GAP43: variants seen among roughly 807,000 people sequenced by gnomAD.
The protein encoded by GAP43 is growth associated protein 43, also known as neuromodulin.
A neutral mutation model predicts 18.6 loss-of-function variants in GAP43; 6 were observed. That is an observed-to-expected ratio of 0.32 (90% CI 0.18 to 0.64). The LOEUF (loss-of-function observed/expected upper bound fraction) is 0.64, where lower values mean the gene tolerates loss of function less well. Among genes scored for constraint, GAP43 ranks in the 30% least tolerant of loss-of-function variants. The pLI, the probability that GAP43 is intolerant of heterozygous loss-of-function variation, is 0.78. For synonymous variants in GAP43, 115 were observed against 111.4 expected (o/e 1.03, Z -0.20); for missense variants, 292 against 295.5 (o/e 0.99, Z 0.09).
intron 1 of GAP43, among the ~76,000 whole-genome samples, chr3:115,654,919 G>A (rs1485305769): frequency 6.6e-6 from 1 of 152,094 alleles, no homozygotes; most frequent in African/African-American, 2.4e-5. Flanking sequence ...TAAAGAATAT[G>A]GAAATTCACG....
At position 115,630,911 on chromosome 3, in the gene GAP43, CAATA is replaced by C. The variant is rs28370254; in HGVS notation, c.30+7197_30+7200del. On this transcript the variant is annotated intron_variant, in intron 1 of 2. Coordinates refer to ENST00000305124, the MANE Select transcript of GAP43 (RefSeq NM_002045.4). ...CTATGTCTGGCACATCTTAGATTCT[CAATA>C]AATATTTGTTGAAGTAATAAATGTA... Among the ~76,000 whole-genome samples the C allele has an allele frequency of 3.7e-3, 567 of 152,228 alleles. 4 individuals are homozygous for C. The highest frequency in any genetic ancestry group is 0.013 in the African/African-American group (549 of 41,538).
At chr3:115,656,278 A>C (rs1362036904) in intron 1 of GAP43, among the ~76,000 whole-genome samples, 3 of 152,190 alleles carry the variant, frequency 2.0e-5, no homozygotes, top group Non-Finnish European at 4.4e-5. Context: ...ACTTGACTTG[A>C]AAGTAAAGAG....
At chr3:115,632,001 G>T (rs1708265938) in intron 1 of GAP43, among the ~76,000 whole-genome samples, 1 of 152,124 alleles carries the variant, frequency 6.6e-6, no homozygotes, top group South Asian at 2.1e-4. Flanking sequence ...ACAGAATTTA[G>T]ATAAGCCAAT....
intron 2 of GAP43, among the ~76,000 whole-genome samples, chr3:115,684,447 C>T (rs953314097): frequency 2.0e-5 from 3 of 152,116 alleles, no homozygotes; most frequent in Non-Finnish European, 4.4e-5. Context: ...AGCACTGTAT[C>T]CATGCCTGTA....
Position 115,623,683 on chromosome 3 carries a change from G to C in GAP43, c.-7G>C, listed in dbSNP as rs753348697. On this transcript the variant is annotated 5_prime_UTR_variant, in exon 1 of 3. Coordinates refer to ENST00000305124, the MANE Select transcript of GAP43 (RefSeq NM_002045.4). ...AAGGCAGGAAGAAGGCAAGGGACGA[G>C]ACAACCATGCTGTGCTGTATGAGAA... 6 of 1,614,064 alleles carry C rather than the reference G, an allele frequency of 3.7e-6. No homozygotes were observed. The Admixed American group carries it at 1.0e-4, about 27-fold the overall frequency.
chr3:115,697,986 T>TGC (rs760181483), intron 2 of GAP43, among the ~76,000 whole-genome samples: 1 of 5,042 alleles, frequency 2.0e-4, no homozygotes, highest in Non-Finnish European at 3.7e-4. Context: ...TACATGTGCG[T>TGC]GTGTGTGTGT....
chr3:115,686,745 A>G (rs1709038343), intron 2 of GAP43, among the ~76,000 whole-genome samples: 1 of 152,204 alleles, frequency 6.6e-6, no homozygotes, highest in African/African-American at 2.4e-5. Flanking sequence ...AAATTTAAAA[A>G]TAGACATGTT....
intron 2 of GAP43, among the ~76,000 whole-genome samples, chr3:115,715,012 A>G (rs1317379732): frequency 6.6e-6 from 1 of 152,130 alleles, no homozygotes; most frequent in Non-Finnish European, 1.5e-5. Context: ...GTGTCCTCAC[A>G]TGGTAGAAGA....
At chr3:115,659,647 G>C (rs990739513) in intron 1 of GAP43, among the ~76,000 whole-genome samples, 2 of 152,108 alleles carry the variant, frequency 1.3e-5, no homozygotes, top group Non-Finnish European at 2.9e-5. Flanking sequence ...AGAGGGGCAA[G>C]GTGTCAGGCA....
At chr3:115,707,424 G>C (rs1191898347) in intron 2 of GAP43, among the ~76,000 whole-genome samples, 1 of 151,912 alleles carries the variant, frequency 6.6e-6, no homozygotes, top group African/African-American at 2.4e-5. Context: ...CAAGTAGCTG[G>C]GATGACAGGT....
At chr3:115,676,967 G>T (rs1458396402) in intron 2 of GAP43, among the ~76,000 whole-genome samples, 2 of 152,170 alleles carry the variant, frequency 1.3e-5, no homozygotes, top group Non-Finnish European at 2.9e-5. Flanking sequence ...AATTACTGAG[G>T]CTACATATAT....
At chr3:115,630,171 A>T (rs1708244254) in intron 1 of GAP43, among the ~76,000 whole-genome samples, 1 of 152,188 alleles carries the variant, frequency 6.6e-6, no homozygotes, top group African/African-American at 2.4e-5. Flanking sequence ...ATAGACCGTA[A>T]ATCAATCTGT....
chr3:115,688,614 G>A (rs995800206), intron 2 of GAP43, among the ~76,000 whole-genome samples: 4 of 152,150 alleles, frequency 2.6e-5, no homozygotes, highest in African/African-American at 9.7e-5. Flanking sequence ...CTCTGTTGAA[G>A]CACGTGCCCC....
intron 1 of GAP43, among the ~76,000 whole-genome samples, chr3:115,649,643 G>A (rs1294801614): frequency 1.3e-5 from 2 of 151,948 alleles, no homozygotes; most frequent in East Asian, 3.9e-4. Flanking sequence ...GAAATGTATT[G>A]AAATGGGATG....
chr3:115,630,248 C>G (rs1358408939), intron 1 of GAP43, among the ~76,000 whole-genome samples: 1 of 152,108 alleles, frequency 6.6e-6, no homozygotes, highest in Non-Finnish European at 1.5e-5. Context: ...TAGTGCTGGC[C>G]TGTGCTTAGG....
intron 1 of GAP43, among the ~76,000 whole-genome samples, chr3:115,662,964 G>A (rs1395416077): frequency 6.6e-6 from 1 of 152,132 alleles, no homozygotes; most frequent in South Asian, 2.1e-4. Flanking sequence ...CGTAAAATTT[G>A]CTTGCCTGGT....
At chr3:115,636,119 C>G (rs1708326654) in intron 1 of GAP43, among the ~76,000 whole-genome samples, 1 of 152,060 alleles carries the variant, frequency 6.6e-6, no homozygotes, top group South Asian at 2.1e-4. Flanking sequence ...AATTAACTTT[C>G]CATTATTCAA....
intron 1 of GAP43, among the ~76,000 whole-genome samples, chr3:115,626,149 G>T (rs909925654): frequency 6.6e-6 from 1 of 152,200 alleles, no homozygotes; most frequent in African/African-American, 2.4e-5. Flanking sequence ...GCCTGCTTGT[G>T]GATGAAATTC....
intron 1 of GAP43, among the ~76,000 whole-genome samples, chr3:115,639,753 T>A (rs1708374453): frequency 6.6e-6 from 1 of 152,080 alleles, no homozygotes; most frequent in Non-Finnish European, 1.5e-5. Flanking sequence ...AGAAAATCAA[T>A]GACTTCTCAA....
Sources: allele counts gnomAD v4.1 joint callset (sites outside exome capture counted in the v4.1 genomes callset), GRCh38; gene constraint gnomAD v4.1.1; transcripts MANE v1.5; gene names NCBI Gene and HGNC (gene_info 2026-07-23, HGNC 2026-07-21).